Variants in BAZ1A observed in about 807,000 individuals in gnomAD.
BAZ1A encodes the protein bromodomain adjacent to zinc finger domain protein 1A.
A neutral mutation model predicts 185.2 loss-of-function variants in BAZ1A; 50 were observed. That is an observed-to-expected ratio of 0.27 (90% CI 0.22 to 0.34). The LOEUF is 0.34. Ranked by LOEUF, BAZ1A falls within the 10% of genes least tolerant of loss-of-function variation. The pLI, the probability that BAZ1A is intolerant of heterozygous loss-of-function variation, is 1.00. For missense variants in BAZ1A, 1,356 were observed against 1,839.9 expected, an observed-to-expected ratio of 0.74 and a Z score of 4.81; for synonymous variants, 571 against 615.6, an observed-to-expected ratio of 0.93 and a Z score of 1.07.
intron 7 of BAZ1A, among the ~76,000 whole-genome samples, chr14:34,802,150 G>A (rs1004030833): frequency 1.3e-5 from 2 of 152,024 alleles, no homozygotes; most frequent in Non-Finnish European, 2.9e-5. Context: ...AATTCTTGTG[G>A]CCAATGTCAA....
At chr14:34,845,777 C>G (rs1389415264) in intron 3 of BAZ1A, among the ~76,000 whole-genome samples, 1 of 150,472 alleles carries the variant, frequency 6.6e-6, no homozygotes, top group Non-Finnish European at 1.5e-5. Context: ...AGGAGAATCA[C>G]TTGAACCCAG....
At chr14:34,783,446 G>A (rs750388167) in intron 15 of BAZ1A, among the ~76,000 whole-genome samples, 9 of 139,178 alleles carry the variant, frequency 6.5e-5, no homozygotes, top group Non-Finnish European at 1.2e-4. Flanking sequence ...AGTGATTCTC[G>A]TGCCTCAACC....
rs918534072 is a variant in BAZ1A, at chr14:34,787,351, C to CA, written c.1511-1131dup. On this transcript the variant is annotated intron_variant, in intron 12 of 26. Transcript: ENST00000360310. ...CTGGTGACAGAGCAAGACTCTGTCT[C>CA]AAAAAAAAAAAAAAAAAGAAAAGAA... 4.5e-3 allele frequency among the ~76,000 whole-genome samples: 188 copies of CA among 41,410 alleles called. 2 individuals are homozygous for CA. Among genetic ancestry groups the CA allele is most frequent in the East Asian group, 0.021 (33 of 1,594 alleles). The allele number at this position is 41,410 out of a possible 152,430, so 27.2% of individuals were successfully genotyped here.
chr14:34,866,315 C>G (rs2042858487), intron 2 of BAZ1A, among the ~76,000 whole-genome samples: 1 of 151,538 alleles, frequency 6.6e-6, no homozygotes, highest in African/African-American at 2.4e-5. Flanking sequence ...AAAACCCAGT[C>G]TCTACTAAAA....
chr14:34,819,161 AAAAAAG>A (rs1199129125), intron 4 of BAZ1A, among the ~76,000 whole-genome samples: 93 of 123,870 alleles, frequency 7.5e-4, no homozygotes, highest in Non-Finnish European at 1.4e-3. Flanking sequence ...AAAAAAAAAA[AAAAAAG>A]AATGAATCTT....
chr14:34,777,696 C>T (rs1566555940), intron 17 of BAZ1A, among the ~76,000 whole-genome samples: 1 of 148,340 alleles, frequency 6.7e-6, no homozygotes, highest in South Asian at 2.1e-4. Context: ...ATGAGTTATA[C>T]AAAAACAGGG....
chr14:34,761,984 CTG>C lies in BAZ1A; in HGVS notation c.4014_4015del (p.His1338GlnfsTer15). The C allele has an allele frequency of 1.9e-6, 3 of 1,614,192 alleles. No homozygotes were observed. The highest frequency in any genetic ancestry group is 2.5e-6 in the Non-Finnish European group (3 of 1,180,034). On this transcript the variant is annotated frameshift_variant, in exon 24 of 27. Transcript: ENST00000360310. LOFTEE classifies it high-confidence loss of function. ...TACATCTGCTTGCAGTGGGCCATGACTGTGGCGAGTAGAACGACTGGCAATTC... is the reference window on the plus strand; with the variant it reads ...TACATCTGCTTGCAGTGGGCCATGACTGGCGAGTAGAACGACTGGCAATTC...
intron 20 of BAZ1A, among the ~76,000 whole-genome samples, chr14:34,772,567 GTATC>G (rs1477904619): frequency 2.0e-5 from 3 of 152,098 alleles, no homozygotes; most frequent in African/African-American, 4.8e-5. Flanking sequence ...AAAAATAAAA[GTATC>G]TATAGATATA....
At position 34,764,808 on chromosome 14, in the gene BAZ1A, C is replaced by T. The variant is rs2138555363; in HGVS notation, c.3675G>A (p.Glu1225=). Reference sequence around the variant, plus strand: ...CTTCATCGCCATCAACTTCATCATCCTCACCTCCCATACTGTCTTCCACAT... The same window carrying T: ...CTTCATCGCCATCAACTTCATCATCTTCACCTCCCATACTGTCTTCCACAT... ...DEDVEDSMGG[E]DDEVDGDEEE... Residue 1225 remains glutamate, a synonymous_variant, in exon 23 of 27, where the codon GAG becomes GAA. Transcript: ENST00000360310. The T allele has an allele frequency of 6.2e-7, 1 of 1,613,366 alleles. No individual in the cohort carries two copies. The highest frequency in any genetic ancestry group is 8.5e-7 in the Non-Finnish European group (1 of 1,179,376).
Position 34,794,887 on chromosome 14 carries a change from C to G in BAZ1A, c.1225G>C (p.Glu409Gln). The change falls in exon 11 of 27, where the codon GAA becomes CAA. Residue 409 changes from glutamate to glutamine, a missense_variant and splice_region_variant. Glu to Gln is a conservative substitution (Grantham distance 29). Around this residue, in one of 7 missense-constraint regions of BAZ1A, gnomAD observed 184 missense variants for 355.1 expected, o/e 0.52. Coordinates refer to ENST00000360310, the MANE Select transcript of BAZ1A (RefSeq NM_013448.3). ...TTCACTGGTGTTGGTTCTGGAAGTTCCTGAAATATTGAACAATTTATATAA... is the reference window on the plus strand; with the variant it reads ...TTCACTGGTGTTGGTTCTGGAAGTTGCTGAAATATTGAACAATTTATATAA... ...REDMECDDLK[E>Q]LPEPTPVKTR... 1.2e-6 allele frequency: 2 copies of G among 1,609,126 alleles called. No individual in the cohort carries two copies. The highest frequency in any genetic ancestry group is 1.7e-6 in the Non-Finnish European group (2 of 1,178,712).
rs1178552895 is a variant in BAZ1A, at chr14:34,762,109, C to T, written c.3891G>A (p.Arg1297=). 2 of 1,614,032 alleles carry T rather than the reference C, an allele frequency of 1.2e-6. No homozygotes were observed. Among genetic ancestry groups the T allele is most frequent in the African/African-American group, 2.7e-5 (2 of 74,912 alleles). ...QQQEPGRYPS[R]SQQSTPKTTV... The stretch of plus-strand genomic sequence containing the variant: ...TTGTTTTGGGTGTGCTCTGCTGACT[C>T]CTTGAAGGGTATCTTCCAGGTTCTT... The change falls in exon 24 of 27, where the codon AGG becomes AGA. Residue 1297 remains arginine, a synonymous_variant. Transcript: ENST00000360310.
At chr14:34,816,757 A>G in intron 4 of BAZ1A, 1 of 395,784 alleles carries the variant, frequency 2.5e-6, no homozygotes, top group Non-Finnish European at 5.1e-6. Flanking sequence ...ATGGAAAACT[A>G]GTGACTGTCT....
chr14:34,795,070 T>C (rs1881110957), intron 10 of BAZ1A, among the ~76,000 whole-genome samples, 183 bp from the exon 11 acceptor site: 1 of 152,220 alleles, frequency 6.6e-6, no homozygotes, highest in African/African-American at 2.4e-5. Flanking sequence ...CTGAACTTGT[T>C]CCAACTTTAC....
Position 34,771,536 on chromosome 14 carries a change from C to T in BAZ1A, c.3276G>A (p.Glu1092=). 1 of 1,612,162 alleles carries T rather than the reference C, an allele frequency of 6.2e-7. No homozygotes were observed. The highest frequency in any genetic ancestry group is 8.5e-7 in the Non-Finnish European group (1 of 1,179,456). Residue 1092 remains glutamate, a synonymous_variant, in exon 21 of 27, where the codon GAG becomes GAA. Coordinates refer to ENST00000360310, the MANE Select transcript of BAZ1A (RefSeq NM_013448.3). ...MALFQIEQGI[E]RRFLKAPLDA... ...CAAGTGGAGCTTTCAGAAAACGCCG[C>T]TCAATGCCCTGCTCTATTTGAAAGA...
chr14:34,835,680 T>TG (rs992012455), intron 3 of BAZ1A, among the ~76,000 whole-genome samples: 8 of 151,562 alleles, frequency 5.3e-5, no homozygotes, highest in East Asian at 1.9e-4. Context: ...GTTTTTTTTT[T>TG]TTTTTTCCTG....
At chr14:34,756,464 CTATTTTTT>C (rs1185176199) in intron 25 of BAZ1A, among the ~76,000 whole-genome samples, 2 of 107,168 alleles carry the variant, frequency 1.9e-5, no homozygotes, top group African/African-American at 7.6e-5. Context: ...GCCAGAATAC[CTATTTTTT>C]TTTTTTTTTT....
At chr14:34,872,772 A>G (rs1487705338) in intron 2 of BAZ1A, among the ~76,000 whole-genome samples, 1 of 152,066 alleles carries the variant, frequency 6.6e-6, no homozygotes, top group African/African-American at 2.4e-5. Context: ...CCTACCCTCT[A>G]AAAGTGAGAA....
At position 34,753,670 on chromosome 14, in the gene BAZ1A, C is replaced by G; in HGVS notation, c.4509G>C (p.Ser1503=). Residue 1503 remains serine, a synonymous_variant, in exon 27 of 27, where the codon TCG becomes TCC. Transcript: ENST00000360310. The part of the protein sequence containing the change: ...EFIDDIELMF[S]NCFEYNPRNT... ...TACGAGGGTTGTATTCAAAGCAGTT[C>G]GAAAACATTAACTCAATGTCATCAA... The G allele has an allele frequency of 6.2e-7, 1 of 1,601,650 alleles. No individual in the cohort carries two copies. The highest frequency in any genetic ancestry group is 8.5e-7 in the Non-Finnish European group (1 of 1,170,446).
chr14:34,853,537 C>T (rs1435856847), intron 3 of BAZ1A, among the ~76,000 whole-genome samples: 1 of 152,190 alleles, frequency 6.6e-6, no homozygotes, highest in African/African-American at 2.4e-5. Context: ...GTAATCCCAG[C>T]ACTTTGGGAG....
Sources: allele counts gnomAD v4.1 joint callset (sites outside exome capture counted in the v4.1 genomes callset), GRCh38; gene constraint gnomAD v4.1.1; regional missense constraint gnomAD v4.1.1; transcripts MANE v1.5; gene names NCBI Gene and HGNC (gene_info 2026-07-23, HGNC 2026-07-21).